The following RASSF8 variants were observed in gnomAD, a reference collection of about 807,000 sequenced individuals.
RASSF8 encodes the protein Ras association domain family member 8.
RASSF8 carries 22 observed loss-of-function variants against 48.5 expected under a neutral mutation model. The observed-to-expected ratio is 0.45, with a 90% CI of 0.32 to 0.65. The LOEUF (loss-of-function observed/expected upper bound fraction) is 0.65. RASSF8 is among the 30% of genes least tolerant of loss of function. RASSF8 has a pLI of 0.03. For missense variants in RASSF8, 418 were observed against 489.2 expected, an observed-to-expected ratio of 0.85 and a Z score of 1.37; for synonymous variants, 127 against 171.5, an observed-to-expected ratio of 0.74 and a Z score of 2.03.
At chr12:26,056,051 G>A (rs1943596199) in intron 3 of RASSF8, among the ~76,000 whole-genome samples, 1 of 152,098 alleles carries the variant, frequency 6.6e-6, no homozygotes, top group African/African-American at 2.4e-5. Context: ...CGGGCGTGGT[G>A]GTGCGCACCT....
chr12:25,977,738 C>T (rs1941641746), intron 1 of RASSF8, among the ~76,000 whole-genome samples: 1 of 151,818 alleles, frequency 6.6e-6, no homozygotes, highest in South Asian at 2.1e-4. Context: ...ACCAAGTTGG[C>T]CTTTTAAAAA....
At chr12:26,024,573 C>T (rs753871089) in intron 2 of RASSF8, among the ~76,000 whole-genome samples, 6 of 152,162 alleles carry the variant, frequency 3.9e-5, no homozygotes, top group Non-Finnish European at 8.8e-5. Context: ...AAAACACTTG[C>T]AAACTAAATT....
intron 1 of RASSF8, among the ~76,000 whole-genome samples, chr12:25,988,993 C>G (rs1941952705): frequency 6.6e-6 from 1 of 152,186 alleles, no homozygotes; most frequent in African/African-American, 2.4e-5. Flanking sequence ...GAAAGCATCT[C>G]TGAGGGGTAT....
chr12:26,058,505 A>G (rs1943660442), intron 3 of RASSF8, among the ~76,000 whole-genome samples: 1 of 150,064 alleles, frequency 6.7e-6, no homozygotes, highest in Admixed American at 6.7e-5. Context: ...TCTTTGCCTC[A>G]TGGGGGCACT....
Position 26,019,447 on chromosome 12 carries a change from C to T in RASSF8, c.-109+24317C>T, listed in dbSNP as rs576405217. Among the ~76,000 whole-genome samples the T allele has an allele frequency of 2.7e-3, 409 of 152,238 alleles. 1 individual carries two copies. The highest frequency in any genetic ancestry group is 9.5e-3 in the African/African-American group (396 of 41,532). On this transcript the variant is annotated intron_variant, in intron 2 of 5. Transcript: ENST00000689635. ...ATAAAAATGTAGTCTCATTACATTACAGCCATTAAAATAACTGTGGTGCAA... is the reference window on the plus strand; with the variant it reads ...ATAAAAATGTAGTCTCATTACATTATAGCCATTAAAATAACTGTGGTGCAA...
chr12:26,024,056 T>C lies in RASSF8; in HGVS notation c.-109+28926T>C, dbSNP rs1942849135. ...AAAGTAATAAGTGTAATGGCTTATTTTGGGGTTTGTAAGGTACATAGATAT... is the reference window on the plus strand; with the variant it reads ...AAAGTAATAAGTGTAATGGCTTATTCTGGGGTTTGTAAGGTACATAGATAT... On this transcript the variant is annotated intron_variant, in intron 2 of 5. Transcript: ENST00000689635. Among the ~76,000 whole-genome samples the C allele has an allele frequency of 2.6e-5, 4 of 152,328 alleles. No individual in the cohort carries two copies. In the South Asian group the frequency reaches 8.3e-4, roughly 32 times the overall value.
chr12:26,044,273 G>A (rs368698325), intron 2 of RASSF8, among the ~76,000 whole-genome samples: 1 of 152,058 alleles, frequency 6.6e-6, no homozygotes, highest in Non-Finnish European at 1.5e-5. Flanking sequence ...AGCAATCTCT[G>A]CCAGGATGAC....
At chr12:26,049,092 C>G (rs79725579) in intron 2 of RASSF8, among the ~76,000 whole-genome samples, 1 of 152,170 alleles carries the variant, frequency 6.6e-6, no homozygotes, top group African/African-American at 2.4e-5. Context: ...GTGTTCTGGG[C>G]TTAAAATCCC....
At chr12:25,983,150 G>T (rs1405264053) in intron 1 of RASSF8, among the ~76,000 whole-genome samples, 1 of 152,082 alleles carries the variant, frequency 6.6e-6, no homozygotes, top group Admixed American at 6.5e-5. Flanking sequence ...AATAATCTCA[G>T]ATATTATAGT....
At chr12:26,049,993 C>T (rs1407239140) in intron 2 of RASSF8, among the ~76,000 whole-genome samples, 1 of 152,046 alleles carries the variant, frequency 6.6e-6, no homozygotes, top group African/African-American at 2.4e-5. Flanking sequence ...GTGTGTTAGT[C>T]AGGATGGTCT....
chr12:26,064,583 A>T lies in RASSF8; in HGVS notation c.189A>T (p.Leu63Phe). ...LAPHENPIISLNKWGQYASDV... is the reference protein window; with the variant it reads ...LAPHENPIISFNKWGQYASDV... ...CTCATGAAAATCCTATCATATCCTTAAACAAATGGGGGCAGTATGCTAGTG... is the reference window on the plus strand; with the variant it reads ...CTCATGAAAATCCTATCATATCCTTTAACAAATGGGGGCAGTATGCTAGTG... Residue 63 changes from leucine to phenylalanine, a missense_variant, in exon 4 of 6, where the codon TTA becomes TTT. Leu to Phe is a conservative substitution (Grantham distance 22). Coordinates refer to ENST00000689635, the MANE Select transcript of RASSF8 (RefSeq NM_001394098.1). The T allele has an allele frequency of 6.2e-7, 1 of 1,614,078 alleles. No homozygotes were observed. The highest frequency in any genetic ancestry group is 1.1e-5 in the South Asian group (1 of 91,050).
intron 2 of RASSF8, among the ~76,000 whole-genome samples, 181 bp downstream of exon 2, chr12:25,995,311 T>C (rs1374400574): frequency 6.6e-6 from 1 of 152,226 alleles, no homozygotes; most frequent in African/African-American, 2.4e-5. Context: ...GTATAGGTGG[T>C]GATAGTATCT....
At chr12:26,052,535 T>A (rs570107994) in intron 2 of RASSF8, 12 of 152,342 alleles carry the variant, frequency 7.9e-5, no homozygotes, top group African/African-American at 2.4e-4. Context: ...AAATTCCAAT[T>A]GGAGTGTCCT....
intron 2 of RASSF8, chr12:26,052,956 G>A (rs1943523928): frequency 6.6e-6 from 1 of 152,184 alleles, no homozygotes; most frequent in Non-Finnish European, 1.5e-5. Flanking sequence ...TAAAACGTCT[G>A]TGAGATACCT....
intron 3 of RASSF8, among the ~76,000 whole-genome samples, chr12:26,063,405 G>GT (rs547055420): frequency 0.034 from 4,956 of 147,600 alleles, 93 homozygotes; most frequent in Non-Finnish European, 0.044. Flanking sequence ...TGTTTGTTTT[G>GT]TTTTTTTTTT....
intron 2 of RASSF8, among the ~76,000 whole-genome samples, chr12:26,046,572 C>CA (rs1943376765): frequency 6.6e-6 from 1 of 152,180 alleles, no homozygotes; most frequent in Admixed American, 6.5e-5. Context: ...CACAGTGGCT[C>CA]AGGGCTATAA....
chr12:26,059,232 G>A (rs1943685855), intron 3 of RASSF8, among the ~76,000 whole-genome samples: 1 of 152,154 alleles, frequency 6.6e-6, no homozygotes, highest in Admixed American at 6.5e-5. Context: ...GCTAACAAAA[G>A]ATGAGAGAGG....
At chr12:26,044,897 AAGTAT>A (rs146183911) in intron 2 of RASSF8, among the ~76,000 whole-genome samples, 6,564 of 152,252 alleles carry the variant, frequency 0.043, 538 homozygotes, top group East Asian at 0.27. Context: ...ATGAAGAATA[AAGTAT>A]AGCTGTTTGG....
chr12:26,045,174 A>G (rs548968170), intron 2 of RASSF8, among the ~76,000 whole-genome samples: 14 of 152,274 alleles, frequency 9.2e-5, no homozygotes, highest in African/African-American at 2.2e-4. Flanking sequence ...TTTGTTCTCT[A>G]TGAACTGAAA....
Sources: allele counts gnomAD v4.1 joint callset (sites outside exome capture counted in the v4.1 genomes callset), GRCh38; gene constraint gnomAD v4.1.1; transcripts MANE v1.5; gene names NCBI Gene and HGNC (gene_info 2026-07-23, HGNC 2026-07-21).